Variants in ICA1 observed in about 807,000 individuals in gnomAD.
ICA1 encodes islet cell autoantigen 1.
A neutral mutation model predicts 71.0 loss-of-function variants in ICA1; 40 were observed. The observed-to-expected ratio is 0.56, with a 90% confidence interval of 0.44 to 0.73. ICA1 has a LOEUF of 0.73. Among genes scored for constraint, ICA1 ranks in the 30% least tolerant of loss-of-function variants. The pLI, the probability that ICA1 is intolerant of heterozygous loss-of-function variation, is 0.00. For missense variants in ICA1, 578 were observed against 576.5 expected (o/e 1.00, Z -0.03); for synonymous variants, 207 against 209.5 (o/e 0.99, Z 0.10).
At chr7:8,142,100 T>A (rs753434123) in intron 9 of ICA1, 2 of 969,480 alleles carry the variant, frequency 2.1e-6, no homozygotes, top group South Asian at 1.5e-5. Context: ...CATACAGTTA[T>A]CACCTTAAAA....
chr7:8,212,431 G>A (rs1396490837), intron 6 of ICA1, among the ~76,000 whole-genome samples: 2 of 152,122 alleles, frequency 1.3e-5, no homozygotes, highest in East Asian at 1.9e-4. Context: ...TGGGTGTGGT[G>A]GCCCGTGCTT....
chr7:8,258,551 A>G (rs911950562), intron 1 of ICA1, among the ~76,000 whole-genome samples: 40 of 152,176 alleles, frequency 2.6e-4, no homozygotes, highest in African/African-American at 9.4e-4. Flanking sequence ...TCCTCGCAAT[A>G]CGGCCAAGTT....
chr7:8,177,687 T>A, intron 6 of ICA1, among the ~76,000 whole-genome samples: 1 of 152,250 alleles, frequency 6.6e-6, no homozygotes, highest in East Asian at 1.9e-4. Context: ...AGTTTTATTA[T>A]GCTTATTGAT....
intron 6 of ICA1, among the ~76,000 whole-genome samples, chr7:8,205,554 G>A (rs1307437140): frequency 6.6e-6 from 1 of 152,152 alleles, no homozygotes; most frequent in Non-Finnish European, 1.5e-5. Context: ...AACATTAGGA[G>A]ACCCTTATGA....
At chr7:8,162,179 T>C (rs1804106528) in intron 6 of ICA1, among the ~76,000 whole-genome samples, 1 of 152,238 alleles carries the variant, frequency 6.6e-6, no homozygotes, top group Non-Finnish European at 1.5e-5. Flanking sequence ...TCACTTGCTA[T>C]AACACAAAGC....
At chr7:8,212,434 C>T (rs1794102131) in intron 6 of ICA1, among the ~76,000 whole-genome samples, 1 of 151,928 alleles carries the variant, frequency 6.6e-6, no homozygotes, top group African/African-American at 2.4e-5. Flanking sequence ...GTGTGGTGGC[C>T]CGTGCTTGTA....
chr7:8,206,733 GAAAAAAAA>G (rs60704635), intron 6 of ICA1, among the ~76,000 whole-genome samples: 1,803 of 135,626 alleles, frequency 0.013, 43 homozygotes, highest in African/African-American at 0.05. Flanking sequence ...GGTTTAAAAT[GAAAAAAAA>G]AAAAAAAAAA....
chr7:8,181,469 TG>T (rs1290140099), intron 6 of ICA1, among the ~76,000 whole-genome samples: 1 of 152,198 alleles, frequency 6.6e-6, no homozygotes, highest in African/African-American at 2.4e-5. Context: ...CTATGCCCTT[TG>T]TATTTCTATA....
chr7:8,170,958 T>A (rs538817683), intron 6 of ICA1, among the ~76,000 whole-genome samples: 25 of 152,134 alleles, frequency 1.6e-4, no homozygotes, highest in Middle Eastern at 3.4e-3. Context: ...TTCAGTATAT[T>A]CCCAGAGCTG....
intron 1 of ICA1, among the ~76,000 whole-genome samples, chr7:8,242,398 T>G (rs556886578): frequency 6.6e-6 from 1 of 152,188 alleles, no homozygotes; most frequent in African/African-American, 2.4e-5. Flanking sequence ...CCAGAATCTC[T>G]GGGACACATT....
At chr7:8,168,989 A>C (rs1379455575) in intron 6 of ICA1, among the ~76,000 whole-genome samples, 1 of 152,110 alleles carries the variant, frequency 6.6e-6, no homozygotes, top group Non-Finnish European at 1.5e-5. Flanking sequence ...TATATTCCTA[A>C]AAGTTCCCGT....
At chr7:8,175,483 T>C (rs1046196906) in intron 6 of ICA1, among the ~76,000 whole-genome samples, 5 of 152,094 alleles carry the variant, frequency 3.3e-5, no homozygotes, top group Non-Finnish European at 7.3e-5. Context: ...ATCCAGATAA[T>C]ACTCCCTTCG....
At chr7:8,178,091 T>C (rs952717555) in intron 6 of ICA1, among the ~76,000 whole-genome samples, 14 of 152,214 alleles carry the variant, frequency 9.2e-5, no homozygotes, top group Admixed American at 7.2e-4. Flanking sequence ...CTAAACTATC[T>C]ACAATCTTCC....
intron 12 of ICA1, among the ~76,000 whole-genome samples, chr7:8,136,912 C>T (rs535280327): frequency 5.8e-4 from 88 of 152,202 alleles, no homozygotes; most frequent in African/African-American, 1.9e-3. Flanking sequence ...CACATGCTTT[C>T]GAGGAAGTTT....
chr7:8,190,377 C>T (rs1032868242), intron 6 of ICA1, among the ~76,000 whole-genome samples: 7 of 152,082 alleles, frequency 4.6e-5, no homozygotes, highest in Non-Finnish European at 7.4e-5. Context: ...CTCAGAGAGG[C>T]AGAAACATTC....
chr7:8,237,984 A>G (rs557286278), intron 1 of ICA1, among the ~76,000 whole-genome samples: 1 of 152,270 alleles, frequency 6.6e-6, no homozygotes, highest in African/African-American at 2.4e-5. Context: ...AGCTGCAACT[A>G]TAGGCAAAGT....
chr7:8,127,839 C>T lies in ICA1; in HGVS notation c.1330+34G>A, dbSNP rs768622894. 4.5e-6 allele frequency: 7 copies of T among 1,548,066 alleles called. No homozygotes were observed. In the East Asian group the frequency reaches 1.4e-4, roughly 31 times the overall value. On this transcript the variant is annotated intron_variant, in intron 13 of 13. Transcript: ENST00000402384. The stretch of plus-strand genomic sequence containing the variant: ...ATTGAAAACAAAAAGAATGAACAAA[C>T]AAAAAACCCCATTTCAATCCCCACC...
At chr7:8,133,503 T>C (rs1792250323) in intron 12 of ICA1, among the ~76,000 whole-genome samples, 2 of 152,174 alleles carry the variant, frequency 1.3e-5, no homozygotes, top group African/African-American at 4.8e-5. Context: ...CCTGCCTTGA[T>C]CTCCCAAAGT....
intron 12 of ICA1, among the ~76,000 whole-genome samples, chr7:8,136,941 C>T (rs898923173): frequency 2.0e-5 from 3 of 152,096 alleles, no homozygotes; most frequent in African/African-American, 7.2e-5. Flanking sequence ...AAGCATCTAT[C>T]GCAGGCAGTG....
Sources: gnomAD v4.1 joint callset for allele counts (sites outside exome capture counted in the v4.1 genomes callset) on GRCh38, gnomAD v4.1.1 for gene constraint, MANE v1.5 for transcripts, NCBI Gene and HGNC (gene_info 2026-07-23, HGNC 2026-07-21) for gene names.